The following RUNDC3B variants were observed in gnomAD, a reference collection of about 807,000 sequenced individuals.
The protein encoded by RUNDC3B is RUN domain-containing protein 3B.
RUNDC3B carries 33 observed loss-of-function variants against 58.4 expected under a neutral mutation model. The ratio of observed to expected loss-of-function variants is 0.56; its 90% confidence interval spans 0.43 to 0.75. The LOEUF is 0.75. Ranked by LOEUF, RUNDC3B falls within the 30% of genes least tolerant of loss-of-function variation. The probability of loss-of-function intolerance (pLI) is 0.00; values close to 1 mark genes in which losing one functional copy is unlikely to be tolerated. For missense variants in RUNDC3B, 501 were observed against 535.7 expected, an observed-to-expected ratio of 0.94 and a Z score of 0.64; for synonymous variants, 193 against 195.2, an observed-to-expected ratio of 0.99 and a Z score of 0.10.
intron 4 of RUNDC3B, among the ~76,000 whole-genome samples, chr7:87,726,462 G>A (rs1443373339): frequency 2.0e-5 from 3 of 152,046 alleles, no homozygotes; most frequent in Non-Finnish European, 2.9e-5. Flanking sequence ...TATCTGTTTT[G>A]GTACCAGTAC....
intron 10 of RUNDC3B, among the ~76,000 whole-genome samples, chr7:87,819,097 G>T (rs1178875302): frequency 6.6e-6 from 1 of 152,130 alleles, no homozygotes; most frequent in Non-Finnish European, 1.5e-5. Context: ...CCAGCTGAAG[G>T]TCCGAGCTGC....
intron 1 of RUNDC3B, among the ~76,000 whole-genome samples, chr7:87,650,477 T>C (rs1207030639): frequency 6.6e-6 from 1 of 152,114 alleles, no homozygotes; most frequent in African/African-American, 2.4e-5. Flanking sequence ...GCCTCTTTTA[T>C]AAGAGTACTA....
At chr7:87,704,819 G>C (rs1829445081) in intron 3 of RUNDC3B, among the ~76,000 whole-genome samples, 1 of 152,206 alleles carries the variant, frequency 6.6e-6, no homozygotes, top group Non-Finnish European at 1.5e-5. Flanking sequence ...GCAATGAAAA[G>C]AGCAGTTTAC....
At chr7:87,661,914 A>G (rs1824753350) in intron 2 of RUNDC3B, among the ~76,000 whole-genome samples, 1 of 151,906 alleles carries the variant, frequency 6.6e-6, no homozygotes, top group African/African-American at 2.4e-5. Flanking sequence ...ACCAGTATTC[A>G]TTATTGCTTG....
intron 6 of RUNDC3B, among the ~76,000 whole-genome samples, chr7:87,756,577 T>C (rs1833387137): frequency 6.6e-6 from 1 of 152,110 alleles, no homozygotes; most frequent in Non-Finnish European, 1.5e-5. Context: ...ATTTTACTTA[T>C]ATATACTCCC....
intron 2 of RUNDC3B, among the ~76,000 whole-genome samples, chr7:87,693,641 G>A (rs1474935253): frequency 6.6e-6 from 1 of 152,056 alleles, no homozygotes; most frequent in Non-Finnish European, 1.5e-5. Context: ...AAAGTAAACA[G>A]GAAACAATTT....
chr7:87,685,766 C>T (rs1338414373), intron 2 of RUNDC3B, among the ~76,000 whole-genome samples: 2 of 151,974 alleles, frequency 1.3e-5, no homozygotes. Context: ...TACATGACTC[C>T]CTCTATTTTT....
In RUNDC3B at chr7:87,726,816, T is replaced by C. The variant is rs188436561; in HGVS notation, c.459-12975T>C. 6.8e-3 allele frequency among the ~76,000 whole-genome samples: 1,037 copies of C among 152,312 alleles called. 53 individuals are homozygous for C. In the East Asian group the frequency reaches 0.12, roughly 17 times the overall value. On this transcript the variant is annotated intron_variant, in intron 4 of 10. Coordinates refer to ENST00000394654, the MANE Select transcript of RUNDC3B (RefSeq NM_001134405.2). ...GAGGTCCTTCACATCCCTTGTAAGT[T>C]GGATTCCTAAGTATTTTATTCTCTT...
At position 87,828,552 on chromosome 7, in the gene RUNDC3B, G is replaced by A. The variant is rs547697791; in HGVS notation, c.1226-1333G>A. Among the ~76,000 whole-genome samples, 5 of 152,314 alleles carry A rather than the reference G, an allele frequency of 3.3e-5. No homozygotes were observed. The South Asian group carries it at 1.0e-3, about 32-fold the overall frequency. Reference sequence around the variant, plus strand: ...TCCATGTTGCTGCAAAGGACATGATGTCATTCCTTTTTTATGGCTGCATAG... The same window carrying A: ...TCCATGTTGCTGCAAAGGACATGATATCATTCCTTTTTTATGGCTGCATAG... On this transcript the variant is annotated intron_variant, in intron 10 of 10. Transcript: ENST00000394654.
intron 6 of RUNDC3B, among the ~76,000 whole-genome samples, chr7:87,746,568 ACTT>A (rs1481809496): frequency 6.6e-6 from 1 of 152,152 alleles, no homozygotes; most frequent in East Asian, 1.9e-4. Flanking sequence ...TGTATAATGT[ACTT>A]CTTTGTCTCT....
At chr7:87,667,046 T>G (rs1294929085) in intron 2 of RUNDC3B, among the ~76,000 whole-genome samples, 1 of 152,222 alleles carries the variant, frequency 6.6e-6, no homozygotes, top group African/African-American at 2.4e-5. Flanking sequence ...GGTAGTTTGA[T>G]AGGAATAGCA....
chr7:87,725,186 A>G (rs999404087), intron 4 of RUNDC3B, among the ~76,000 whole-genome samples: 6 of 152,104 alleles, frequency 3.9e-5, no homozygotes, highest in Non-Finnish European at 7.3e-5. Flanking sequence ...GGTGTGCTGC[A>G]CCCATTAACT....
Position 87,800,359 on chromosome 7 carries a change from TAGA to T in RUNDC3B, c.957-7010_957-7008del, listed in dbSNP as rs376772186. Among the ~76,000 whole-genome samples, 31 of 152,318 alleles carry T rather than the reference TAGA, an allele frequency of 2.0e-4. No homozygotes were observed. In the East Asian group the frequency reaches 3.3e-3, roughly 16 times the overall value. The stretch of plus-strand genomic sequence containing the variant: ...CTAGAATATGGATTTCTAGATCTTT[TAGA>T]AGACCTCGTACCACATTTTCTTTGT... On this transcript the variant is annotated intron_variant, in intron 8 of 10. Coordinates refer to ENST00000394654, the MANE Select transcript of RUNDC3B (RefSeq NM_001134405.2).
intron 2 of RUNDC3B, among the ~76,000 whole-genome samples, chr7:87,654,919 C>T (rs1468931682): frequency 6.6e-6 from 1 of 151,906 alleles, no homozygotes; most frequent in Non-Finnish European, 1.5e-5. Context: ...ATTCAAATGG[C>T]CAACAGGTAT....
chr7:87,661,702 G>C (rs1410181164), intron 2 of RUNDC3B, among the ~76,000 whole-genome samples: 1 of 151,954 alleles, frequency 6.6e-6, no homozygotes, highest in East Asian at 1.9e-4. Context: ...GAATAGTGCT[G>C]CAATAAACAT....
chr7:87,792,901 G>A (rs1315148228), intron 8 of RUNDC3B, among the ~76,000 whole-genome samples: 5 of 151,866 alleles, frequency 3.3e-5, no homozygotes, highest in Admixed American at 1.3e-4. Context: ...AAAGACTGAT[G>A]AAAGAAAAAG....
intron 4 of RUNDC3B, among the ~76,000 whole-genome samples, chr7:87,715,287 T>TTAATTTATAATAATTATATATAAC (rs1830465750): frequency 2.3e-5 from 3 of 133,220 alleles, no homozygotes; most frequent in African/African-American, 8.6e-5. Flanking sequence ...TTATATATAA[T>TTAATTTATAATAATTATATATAAC]TAATTTATAA....
rs1001877107 is a variant in RUNDC3B at position 87,819,906 on chromosome 7, A to G, written c.1225+3644A>G. On this transcript the variant is annotated intron_variant, in intron 10 of 10. Transcript: ENST00000394654. ...CAAAGCAGTGTGTAGAGGGAAATTT[A>G]TAGCACTAAATGCCCACAAGAGAAA... is the stretch of plus-strand genomic sequence containing the variant. Among the ~76,000 whole-genome samples the G allele has an allele frequency of 4.1e-3, 623 of 152,226 alleles. 1 individual carries two copies. Among genetic ancestry groups the G allele is most frequent in the Non-Finnish European group, 6.3e-3 (430 of 67,990 alleles).
chr7:87,759,357 C>T (rs904662701), intron 6 of RUNDC3B, among the ~76,000 whole-genome samples: 8 of 151,074 alleles, frequency 5.3e-5, no homozygotes, highest in African/African-American at 1.2e-4. Flanking sequence ...GGAGAAAAGT[C>T]GGGATGATTA....
Sources: allele counts gnomAD v4.1 joint callset (sites outside exome capture counted in the v4.1 genomes callset), GRCh38; gene constraint gnomAD v4.1.1; transcripts MANE v1.5; gene names NCBI Gene and HGNC (gene_info 2026-07-23, HGNC 2026-07-21).